Variants in CAMK4 observed in about 807,000 individuals in gnomAD.
CAMK4 encodes the protein calcium/calmodulin dependent protein kinase IV.
A neutral mutation model predicts 44.9 loss-of-function variants in CAMK4; 22 were observed. The observed-to-expected ratio is 0.49, with a 90% CI of 0.35 to 0.70. The LOEUF is 0.70. Ranked by LOEUF, CAMK4 falls within the 30% of genes least tolerant of loss-of-function variation. The pLI is 0.01. For synonymous variants in CAMK4, 218 were observed against 215.4 expected (o/e 1.01, Z -0.11); for missense variants, 498 against 586.8 (o/e 0.85, Z 1.56).
chr5:111,263,761 A>C lies in CAMK4; in HGVS notation c.161+39117A>C, dbSNP rs559501714. Among the ~76,000 whole-genome samples, 6 of 152,326 alleles carry C rather than the reference A, an allele frequency of 3.9e-5. No homozygotes were observed. The South Asian group carries it at 1.0e-3, about 26-fold the overall frequency. On this transcript the variant is annotated intron_variant, in intron 1 of 10. Coordinates refer to ENST00000282356, the MANE Select transcript of CAMK4 (RefSeq NM_001744.6). Reference sequence around the variant, plus strand: ...CTTAACTGTGGCTCTCAAAACCCCCAAAATAGGCTCTAGACTCTGTAAAGG... The same window carrying C: ...CTTAACTGTGGCTCTCAAAACCCCCCAAATAGGCTCTAGACTCTGTAAAGG...
At chr5:111,308,282 C>G (rs1229944214) in intron 1 of CAMK4, among the ~76,000 whole-genome samples, 1 of 148,796 alleles carries the variant, frequency 6.7e-6, no homozygotes, top group Non-Finnish European at 1.5e-5. Context: ...TGTATCAAAA[C>G]TAGTTCTTAT....
chr5:111,241,877 C>A (rs1749007815), intron 1 of CAMK4, among the ~76,000 whole-genome samples: 1 of 152,134 alleles, frequency 6.6e-6, no homozygotes, highest in African/African-American at 2.4e-5. Flanking sequence ...GAGCTGAGGG[C>A]TCAAAGGGAG....
chr5:111,238,506 C>A (rs1008603006), intron 1 of CAMK4, among the ~76,000 whole-genome samples: 2 of 151,820 alleles, frequency 1.3e-5, no homozygotes, highest in Non-Finnish European at 2.9e-5. Context: ...CACACTGGCA[C>A]CCGATTGCAG....
At chr5:111,229,883 G>A (rs1192833252) in intron 1 of CAMK4, among the ~76,000 whole-genome samples, 1 of 152,180 alleles carries the variant, frequency 6.6e-6, no homozygotes, top group Non-Finnish European at 1.5e-5. Context: ...GTCTTCCCAG[G>A]AACACTGACT....
At chr5:111,382,664 A>G (rs1751461659) in intron 4 of CAMK4, among the ~76,000 whole-genome samples, 1 of 152,208 alleles carries the variant, frequency 6.6e-6, no homozygotes, top group African/African-American at 2.4e-5. Flanking sequence ...TACATTTTAT[A>G]GACAAGATAA....
chr5:111,372,105 A>G (rs1580665892), intron 2 of CAMK4, among the ~76,000 whole-genome samples: 1 of 152,190 alleles, frequency 6.6e-6, no homozygotes, highest in African/African-American at 2.4e-5. Flanking sequence ...AAATAAACTG[A>G]TGGCAAGAGT....
In CAMK4 at chr5:111,487,795, G is replaced by A. The variant is rs1021639420; in HGVS notation, c.*3329G>A. 2 of 152,100 alleles carry A rather than the reference G, an allele frequency of 1.3e-5. No individual in the cohort carries two copies. Among genetic ancestry groups the A allele is most frequent in the African/African-American group, 4.8e-5 (2 of 41,402 alleles). 9.4% of individuals were successfully genotyped at this position (152,100 alleles called of 1,614,324 possible). On this transcript the variant is annotated 3_prime_UTR_variant, in exon 11 of 11. Transcript: ENST00000282356. ...TATTTTAAGCAAAGTGACACTTGAAGTTCTATGCTTAGATTTAAGTGGCCT... is the reference window on the plus strand; with the variant it reads ...TATTTTAAGCAAAGTGACACTTGAAATTCTATGCTTAGATTTAAGTGGCCT...
intron 5 of CAMK4, among the ~76,000 whole-genome samples, chr5:111,443,595 GT>G (rs780431977): frequency 1.3e-5 from 2 of 151,648 alleles, no homozygotes; most frequent in African/African-American, 4.8e-5. Context: ...GCCAAATGAT[GT>G]TTTCTTTTTT....
intron 2 of CAMK4, among the ~76,000 whole-genome samples, chr5:111,357,097 A>G (rs17164073): frequency 6.6e-6 from 1 of 152,070 alleles, no homozygotes; most frequent in Non-Finnish European, 1.5e-5. Flanking sequence ...GCATTGGGCA[A>G]TTGGAACTAA....
chr5:111,241,400 A>T (rs1180621549), intron 1 of CAMK4, among the ~76,000 whole-genome samples: 1 of 152,158 alleles, frequency 6.6e-6, no homozygotes, highest in Non-Finnish European at 1.5e-5. Flanking sequence ...TAACTGGGGA[A>T]GAATACCACA....
At chr5:111,429,418 C>G (rs534685599) in intron 5 of CAMK4, among the ~76,000 whole-genome samples, 1 of 152,066 alleles carries the variant, frequency 6.6e-6, no homozygotes, top group South Asian at 2.1e-4. Flanking sequence ...TGCAACCTAC[C>G]AAGATTGAAT....
At chr5:111,370,595 A>T (rs1750966033) in intron 2 of CAMK4, among the ~76,000 whole-genome samples, 1 of 152,162 alleles carries the variant, frequency 6.6e-6, no homozygotes, top group Non-Finnish European at 1.5e-5. Flanking sequence ...AGCATTGTGC[A>T]GTAGTGACAA....
intron 7 of CAMK4, among the ~76,000 whole-genome samples, chr5:111,468,761 C>G (rs1754935913): frequency 6.6e-6 from 1 of 152,098 alleles, no homozygotes; most frequent in Admixed American, 6.6e-5. Flanking sequence ...GGGTGGATCA[C>G]AACGTCAGGA....
At chr5:111,372,962 T>A (rs1751068274) in intron 2 of CAMK4, among the ~76,000 whole-genome samples, 1 of 152,178 alleles carries the variant, frequency 6.6e-6, no homozygotes, top group African/African-American at 2.4e-5. Flanking sequence ...AATGTACAGA[T>A]CATATATTCA....
chr5:111,232,440 T>A (rs1456544398), intron 1 of CAMK4, among the ~76,000 whole-genome samples: 1 of 152,126 alleles, frequency 6.6e-6, no homozygotes, highest in Admixed American at 6.5e-5. Flanking sequence ...AGATGGTACA[T>A]TCTAAGAAGA....
chr5:111,394,421 G>A (rs1420117894), intron 4 of CAMK4, among the ~76,000 whole-genome samples: 1 of 152,090 alleles, frequency 6.6e-6, no homozygotes, highest in Non-Finnish European at 1.5e-5. Context: ...AATATCTACT[G>A]GCATATGTTT....
intron 1 of CAMK4, among the ~76,000 whole-genome samples, chr5:111,297,622 C>T (rs1386998032): frequency 1.3e-5 from 2 of 152,198 alleles, no homozygotes; most frequent in Admixed American, 1.3e-4. Context: ...TATTTTGTTG[C>T]CCCTTTAAAT....
At chr5:111,361,696 C>G (rs781112073) in intron 2 of CAMK4, among the ~76,000 whole-genome samples, 6 of 151,912 alleles carry the variant, frequency 3.9e-5, no homozygotes, top group Non-Finnish European at 8.8e-5. Flanking sequence ...GTCTTAAAAC[C>G]TCCCTAAAGT....
At chr5:111,405,687 GT>G (rs1227809676) in intron 5 of CAMK4, among the ~76,000 whole-genome samples, 3 of 152,248 alleles carry the variant, frequency 2.0e-5, no homozygotes, top group African/African-American at 7.2e-5. Flanking sequence ...AGGGGCTCAG[GT>G]GACTTACTAA....
Sources: gnomAD v4.1 joint callset for allele counts (sites outside exome capture counted in the v4.1 genomes callset) on GRCh38, gnomAD v4.1.1 for gene constraint, MANE v1.5 for transcripts, NCBI Gene and HGNC (gene_info 2026-07-23, HGNC 2026-07-21) for gene names.